Variants in LDLRAD3 observed in about 807,000 individuals in gnomAD.
The protein encoded by LDLRAD3 is low density lipoprotein receptor class A domain containing 3.
LDLRAD3 carries 20 observed loss-of-function variants against 29.4 expected under a neutral mutation model. That is an observed-to-expected ratio of 0.68 (90% CI 0.48 to 0.99). The LOEUF is 0.99. Ranked by LOEUF, LDLRAD3 falls within the 50% of genes least tolerant of loss-of-function variation. LDLRAD3 has a pLI of 0.00. For missense variants in LDLRAD3, 420 were observed against 454.3 expected, an observed-to-expected ratio of 0.92 and a Z score of 0.69; for synonymous variants, 157 against 192.7, an observed-to-expected ratio of 0.81 and a Z score of 1.53.
intron 5 of LDLRAD3, among the ~76,000 whole-genome samples, chr11:36,228,091 A>T (rs1855524895): frequency 6.6e-6 from 1 of 152,198 alleles, no homozygotes; most frequent in Non-Finnish European, 1.5e-5. Flanking sequence ...TAGTTGAAGC[A>T]AGCAGTGGGC....
intron 1 of LDLRAD3, among the ~76,000 whole-genome samples, chr11:36,027,665 T>C (rs752372687): frequency 1.3e-5 from 2 of 152,240 alleles, no homozygotes; most frequent in Non-Finnish European, 2.9e-5. Flanking sequence ...CCTGGAGGCA[T>C]CTGCATGGAG....
chr11:36,038,412 C>T (rs896934329), intron 2 of LDLRAD3, among the ~76,000 whole-genome samples: 2 of 152,306 alleles, frequency 1.3e-5, no homozygotes, highest in South Asian at 4.1e-4. Context: ...GTGTATATTT[C>T]AACTTCGGCA....
At chr11:36,066,469 T>C (rs1369653578) in intron 2 of LDLRAD3, among the ~76,000 whole-genome samples, 2 of 152,226 alleles carry the variant, frequency 1.3e-5, no homozygotes, top group Admixed American at 1.3e-4. Flanking sequence ...CGGTTGGGAA[T>C]ATCTTAGTTT....
rs181618405 is a variant in LDLRAD3, at chr11:36,148,517, A to C, written c.454+50056A>C. On this transcript the variant is annotated intron_variant, in intron 4 of 5. Coordinates refer to ENST00000315571, the MANE Select transcript of LDLRAD3 (RefSeq NM_174902.4). ...CTTTTGGAAAAATCTTCTGACAGTT[A>C]TATTTACCAGTAGAACTAGAAGGGA... Among the ~76,000 whole-genome samples the C allele has an allele frequency of 7.9e-5, 12 of 152,170 alleles. No homozygotes were observed. The East Asian group carries it at 1.7e-3, about 22-fold the overall frequency.
chr11:35,979,336 G>C (rs774370785), intron 1 of LDLRAD3, among the ~76,000 whole-genome samples: 2 of 152,142 alleles, frequency 1.3e-5, no homozygotes, highest in Non-Finnish European at 2.9e-5. Context: ...CTTAGCTGCC[G>C]TTCCATATTT....
intron 4 of LDLRAD3, among the ~76,000 whole-genome samples, chr11:36,161,606 A>T (rs965446841): frequency 6.7e-6 from 1 of 149,844 alleles, no homozygotes; most frequent in African/African-American, 2.5e-5. Flanking sequence ...GGATGGATGG[A>T]GTACAACAAT....
At chr11:36,103,120 A>G (rs1853474316) in intron 4 of LDLRAD3, among the ~76,000 whole-genome samples, 1 of 152,126 alleles carries the variant, frequency 6.6e-6, no homozygotes, top group Non-Finnish European at 1.5e-5. Context: ...TACCCATTAA[A>G]AAATAACTCC....
chr11:36,136,229 C>A (rs1327586288), intron 4 of LDLRAD3, among the ~76,000 whole-genome samples: 1 of 152,134 alleles, frequency 6.6e-6, no homozygotes, highest in Non-Finnish European at 1.5e-5. Flanking sequence ...GCCTGAGTGC[C>A]CACTGTGCAC....
chr11:36,081,092 TC>T, intron 2 of LDLRAD3, among the ~76,000 whole-genome samples: 1 of 152,212 alleles, frequency 6.6e-6, no homozygotes, highest in African/African-American at 2.4e-5. Context: ...AAATCCAAGT[TC>T]CCAGACTCCA....
intron 4 of LDLRAD3, among the ~76,000 whole-genome samples, chr11:36,139,543 G>A (rs976602600): frequency 1.1e-4 from 17 of 152,234 alleles, no homozygotes; most frequent in African/African-American, 3.6e-4. Context: ...TTTTTCAGTC[G>A]CTTCATGTAT....
intron 4 of LDLRAD3, among the ~76,000 whole-genome samples, chr11:36,195,425 TC>T (rs749790360): frequency 6.6e-6 from 1 of 152,182 alleles, no homozygotes; most frequent in Non-Finnish European, 1.5e-5. Flanking sequence ...TTGTGCAGGG[TC>T]CAGCTCATCC....
intron 1 of LDLRAD3, among the ~76,000 whole-genome samples, chr11:35,975,812 C>G (rs1851467877): frequency 6.7e-6 from 1 of 148,224 alleles, no homozygotes; most frequent in African/African-American, 2.5e-5. Context: ...TGCCCAGGAA[C>G]AGGAGGGAGC....
chr11:36,149,531 G>A (rs11033465), intron 4 of LDLRAD3, among the ~76,000 whole-genome samples: 60,355 of 151,944 alleles, frequency 0.4, 13,154 homozygotes, highest in African/African-American at 0.58. Flanking sequence ...CTGCACAGCA[G>A]TGTTGTCCAG....
At chr11:36,158,525 CTTTT>C (rs61352747) in intron 4 of LDLRAD3, among the ~76,000 whole-genome samples, 1 of 107,092 alleles carries the variant, frequency 9.3e-6, no homozygotes, top group Admixed American at 1.0e-4. Context: ...ATGTTCTGGG[CTTTT>C]TTTTTTTTTT....
Position 36,173,730 on chromosome 11 carries a change from T to G in LDLRAD3, c.455-53355T>G, listed in dbSNP as rs148607583. Among the ~76,000 whole-genome samples the G allele has an allele frequency of 7.9e-3, 1,206 of 152,288 alleles. 14 individuals are homozygous for G. The highest frequency in any genetic ancestry group is 0.027 in the African/African-American group (1,136 of 41,552). On this transcript the variant is annotated intron_variant, in intron 4 of 5. Coordinates refer to ENST00000315571, the MANE Select transcript of LDLRAD3 (RefSeq NM_174902.4). ...AATGGGATGGCTGGGTCAAATGGTATTTCTGGTTCTAGATCTAGATCTTTG... is the reference window on the plus strand; with the variant it reads ...AATGGGATGGCTGGGTCAAATGGTAGTTCTGGTTCTAGATCTAGATCTTTG...
chr11:36,034,068 A>AC (rs1436560938), intron 1 of LDLRAD3, among the ~76,000 whole-genome samples: 19 of 151,970 alleles, frequency 1.3e-4, no homozygotes, highest in Admixed American at 5.2e-4. Context: ...TGTTCTCTAG[A>AC]CCTGAAGGGT....
Position 35,970,729 on chromosome 11 carries a change from C to T in LDLRAD3, c.46+26585C>T, listed in dbSNP as rs552075566. 7.9e-5 allele frequency among the ~76,000 whole-genome samples: 12 copies of T among 152,256 alleles called. No individual in the cohort carries two copies. The East Asian group carries it at 1.5e-3, about 20-fold the overall frequency. Reference sequence around the variant, plus strand: ...AGACAAATCAGGTCTTGCATAATGCCGCTGCCAAGTCCATGCATTCATTTT... The same window carrying T: ...AGACAAATCAGGTCTTGCATAATGCTGCTGCCAAGTCCATGCATTCATTTT... On this transcript the variant is annotated intron_variant, in intron 1 of 5. Coordinates refer to ENST00000315571, the MANE Select transcript of LDLRAD3 (RefSeq NM_174902.4).
chr11:36,098,299 G>T (rs1189857194), intron 3 of LDLRAD3, 28 bp from the exon 4 acceptor site: 1 of 1,612,862 alleles, frequency 6.2e-7, no homozygotes, highest in Admixed American at 1.7e-5. Flanking sequence ...TGGCCTCCCT[G>T]GTAATGTGCT....
intron 4 of LDLRAD3, among the ~76,000 whole-genome samples, chr11:36,147,364 C>A (rs1009524575): frequency 5.9e-5 from 9 of 151,918 alleles, no homozygotes; most frequent in Non-Finnish European, 1.3e-4. Context: ...GTGATCCACC[C>A]GCCTCGGCCT....
Sources: allele counts gnomAD v4.1 joint callset (sites outside exome capture counted in the v4.1 genomes callset), GRCh38; gene constraint gnomAD v4.1.1; transcripts MANE v1.5; gene names NCBI Gene and HGNC (gene_info 2026-07-23, HGNC 2026-07-21).